APOBEC3D: variants seen among roughly 807,000 people sequenced by gnomAD.
APOBEC3D encodes DNA dC->dU-editing enzyme APOBEC-3D.
In APOBEC3D, 37 loss-of-function variants were observed where a neutral mutation model predicts 45.6. The ratio of observed to expected loss-of-function variants is 0.81; its 90% CI spans 0.62 to 1.07. The LOEUF is 1.07. Among genes scored for constraint, APOBEC3D ranks in the 50% least tolerant of loss-of-function variants. APOBEC3D has a pLI of 0.00. For missense variants in APOBEC3D, 496 were observed against 495.3 expected (o/e 1.00, Z -0.01); for synonymous variants, 175 against 180.7 (o/e 0.97, Z 0.25).
chr22:39,028,999 T>C lies in APOBEC3D; in HGVS notation c.606-364T>C, dbSNP rs1427323720. ...CATCATCATCATCGGACAGGTGAAA[T>C]GTGAGGAAGGAATTGAGCTGAAATG... On this transcript the variant is annotated intron_variant, in intron 4 of 6. Transcript: ENST00000216099. 2.0e-5 allele frequency among the ~76,000 whole-genome samples: 3 copies of C among 152,168 alleles called. No homozygotes were observed. In the East Asian group the frequency reaches 5.8e-4, roughly 29 times the overall value.
At chr22:39,024,536 C>CAGAAATG (rs1925437278) in intron 2 of APOBEC3D, among the ~76,000 whole-genome samples, 1 of 152,174 alleles carries the variant, frequency 6.6e-6, no homozygotes, top group African/African-American at 2.4e-5. Context: ...TTACAGTGAA[C>CAGAAATG]AGAAATGTGT....
In APOBEC3D at chr22:39,021,476, A is replaced by G. The variant is rs774099387; in HGVS notation, c.-44A>G. 2 of 1,613,582 alleles carry G rather than the reference A, an allele frequency of 1.2e-6. No individual in the cohort carries two copies. Among genetic ancestry groups the G allele is most frequent in the East Asian group, 2.2e-5 (1 of 44,856 alleles). On this transcript the variant is annotated 5_prime_UTR_variant, in exon 1 of 7. Transcript: ENST00000216099. ...GCAGGAAGTGAAACCACAGCACTTC[A>G]AAAAAAGAGGGAGACTGGGACAAGC...
At position 39,028,204 on chromosome 22, in the gene APOBEC3D, C is replaced by T. The variant is rs1162056237; in HGVS notation, c.606-1159C>T. Reference sequence around the variant, plus strand: ...CTCCTCCTCCGTGAGCACCATTCACCTTTTAGAATGACACCTGCAACATGG... The same window carrying T: ...CTCCTCCTCCGTGAGCACCATTCACTTTTTAGAATGACACCTGCAACATGG... On this transcript the variant is annotated intron_variant, in intron 4 of 6. Transcript: ENST00000216099. 1.1e-4 allele frequency among the ~76,000 whole-genome samples: 17 copies of T among 152,284 alleles called. No homozygotes were observed. The South Asian group carries it at 3.5e-3, about 32-fold the overall frequency.
chr22:39,026,255 G>T (rs958945862), intron 4 of APOBEC3D, among the ~76,000 whole-genome samples: 1 of 152,146 alleles, frequency 6.6e-6, no homozygotes, highest in African/African-American at 2.4e-5. Context: ...GCTGGCAGGG[G>T]GTCCCTTCCA....
Position 39,032,595 on chromosome 22 carries a change from T to A in APOBEC3D, c.*279T>A. 1 of 959,122 alleles carries A rather than the reference T, an allele frequency of 1.0e-6. No individual in the cohort carries two copies. The allele number at this position is 959,122 out of a possible 1,614,324, so 59.4% of individuals were successfully genotyped here. A position where few individuals can be genotyped will look rare whatever the true frequency, so the allele number is the denominator to read the frequency against. On this transcript the variant is annotated 3_prime_UTR_variant, in exon 7 of 7. Transcript: ENST00000216099. ...CTCCCCAGCATAACCAAATCTTTTTTTTTTTTTTTTTTTTTTGAGACGGAG... is the reference window on the plus strand; with the variant it reads ...CTCCCCAGCATAACCAAATCTTTTTATTTTTTTTTTTTTTTTGAGACGGAG...
chr22:39,025,335 T>C lies in APOBEC3D; in HGVS notation c.476T>C (p.Ile159Thr). Residue 159 changes from isoleucine to threonine, a missense_variant, in exon 3 of 7, where the codon ATC (isoleucine) becomes ACC (threonine). By Grantham distance (89) the Ile-to-Thr change is moderately conservative. Transcript: ENST00000216099. ...CATAAGGCAGGGGCCCGTGTGAAGA[T>C]CATGGACTATGAAGGTGAGAGGTGC... ...RLHKAGARVKIMDYEDFAYCW... is the reference protein window; with the variant it reads ...RLHKAGARVKTMDYEDFAYCW... The C allele has an allele frequency of 1.9e-6, 3 of 1,613,916 alleles. No individual in the cohort carries two copies. The highest frequency in any genetic ancestry group is 2.5e-6 in the Non-Finnish European group (3 of 1,179,952).
intron 5 of APOBEC3D, among the ~76,000 whole-genome samples, chr22:39,031,291 G>A (rs1308248380): frequency 3.9e-5 from 6 of 152,144 alleles, no homozygotes; most frequent in East Asian, 3.9e-4. Flanking sequence ...AAATAAGGTC[G>A]TGCATGTGGT....
At chr22:39,024,459 A>C (rs143162717) in intron 2 of APOBEC3D, among the ~76,000 whole-genome samples, 180 of 152,360 alleles carry the variant, frequency 1.2e-3, no homozygotes, top group Non-Finnish European at 2.1e-3. Context: ...AAAACTTCCA[A>C]ACACAGGGAA....
intron 5 of APOBEC3D, 151 bp from the exon 6 acceptor site, chr22:39,031,543 T>G (rs568130501): frequency 7.3e-6 from 9 of 1,227,364 alleles, no homozygotes; most frequent in Non-Finnish European, 9.1e-6. Flanking sequence ...GCACCCCAGC[T>G]TGGGCAACAG....
rs937905529 is a variant in APOBEC3D at position 39,022,765 on chromosome 22, C to G, written c.18-57C>G. Reference sequence around the variant, plus strand: ...GGGAGCTGTGTTCAGTGGACATGAGCCCCGAGGACTCCAGGAGGGCTCCCT... The same window carrying G: ...GGGAGCTGTGTTCAGTGGACATGAGGCCCGAGGACTCCAGGAGGGCTCCCT... On this transcript the variant is annotated intron_variant, in intron 1 of 6. Coordinates refer to ENST00000216099, the MANE Select transcript of APOBEC3D (RefSeq NM_152426.4). 4.0e-5 allele frequency: 62 copies of G among 1,567,358 alleles called. No individual in the cohort carries two copies. The African/African-American group carries it at 7.6e-4, about 19-fold the overall frequency.
intron 5 of APOBEC3D, among the ~76,000 whole-genome samples, chr22:39,031,220 T>A (rs1649109121): frequency 6.6e-6 from 1 of 151,802 alleles, no homozygotes; most frequent in African/African-American, 2.4e-5. Context: ...TAAGGGAAAC[T>A]CAATGAATAA....
Position 39,032,638 on chromosome 22 carries a change from G to C in APOBEC3D, c.*322G>C. Reference sequence around the variant, plus strand: ...AGACGGAGTTTCACTCTGTCGCCCAGACTAGAGTGCAATGGCTGGATCTCA... The same window carrying C: ...AGACGGAGTTTCACTCTGTCGCCCACACTAGAGTGCAATGGCTGGATCTCA... On this transcript the variant is annotated 3_prime_UTR_variant, in exon 7 of 7. Coordinates refer to ENST00000216099, the MANE Select transcript of APOBEC3D (RefSeq NM_152426.4). The C allele has an allele frequency of 9.8e-7, 1 of 1,020,962 alleles. No homozygotes were observed. Among genetic ancestry groups the C allele is most frequent in the Non-Finnish European group, 1.2e-6 (1 of 853,462 alleles). 63.2% of individuals were successfully genotyped at this position (1,020,962 alleles called of 1,614,324 possible). A position where few individuals can be genotyped will look rare whatever the true frequency, so the allele number is the denominator to read the frequency against.
rs1236800204 is a variant in APOBEC3D, at chr22:39,031,710, A to C, written c.779A>C (p.His260Pro). 1.2e-6 allele frequency: 2 copies of C among 1,612,082 alleles called. No homozygotes were observed. Among genetic ancestry groups the C allele is most frequent in the South Asian group, 2.2e-5 (2 of 91,050 alleles). ...VFRNQVDPET[H>P]CHAERCFLSW... ...CTTCCCCAGGTGGATCCTGAGACCC[A>C]TTGTCATGCAGAAAGGTGCTTCCTC... Residue 260 changes from histidine to proline, a missense_variant, in exon 6 of 7, where the codon CAT becomes CCT. By Grantham distance (77) the His-to-Pro change is moderately conservative (BLOSUM62 -2). Transcript: ENST00000216099.
intron 4 of APOBEC3D, among the ~76,000 whole-genome samples, chr22:39,026,438 G>A (rs976440414): frequency 1.3e-5 from 2 of 152,220 alleles, no homozygotes; most frequent in African/African-American, 4.8e-5. Context: ...CAGTTATCCT[G>A]TGAGGAGGTG....
Position 39,029,535 on chromosome 22 carries a change from T to C in APOBEC3D, c.762+16T>C. The C allele has an allele frequency of 6.2e-7, 1 of 1,614,024 alleles. No individual in the cohort carries two copies. Among genetic ancestry groups the C allele is most frequent in the South Asian group, 1.1e-5 (1 of 91,078 alleles). The stretch of plus-strand genomic sequence containing the variant: ...CCGAAACCAGGTAGCACCAAAGTCC[T>C]ATTTACACCCTAAATAGGAGCTAAG... On this transcript the variant is annotated intron_variant, in intron 5 of 6. Coordinates refer to ENST00000216099, the MANE Select transcript of APOBEC3D (RefSeq NM_152426.4).
intron 4 of APOBEC3D, among the ~76,000 whole-genome samples, chr22:39,029,156 A>G (rs1264157293): frequency 6.6e-6 from 1 of 152,114 alleles, no homozygotes; most frequent in Non-Finnish European, 1.5e-5. Flanking sequence ...GGTTCCAGCT[A>G]GGAGAGGTCA....
chr22:39,027,402 GT>G (rs1925780852), intron 4 of APOBEC3D, among the ~76,000 whole-genome samples: 2 of 152,108 alleles, frequency 1.3e-5, no homozygotes, highest in Non-Finnish European at 2.9e-5. Context: ...TAGCTACCGG[GT>G]GGGGGGCGTC....
intron 5 of APOBEC3D, among the ~76,000 whole-genome samples, chr22:39,031,411 TA>T (rs1926201281): frequency 6.6e-6 from 1 of 151,802 alleles, no homozygotes; most frequent in African/African-American, 2.4e-5. Flanking sequence ...CCACAAAAAT[TA>T]CAAAAAAATT....
chr22:39,030,290 A>C (rs1467486617), intron 5 of APOBEC3D, among the ~76,000 whole-genome samples: 1 of 130,514 alleles, frequency 7.7e-6, no homozygotes, highest in Admixed American at 8.7e-5. Flanking sequence ...GTCCCACCCA[A>C]CCCTGCGGCC....
Sources: allele counts gnomAD v4.1 joint callset (sites outside exome capture counted in the v4.1 genomes callset), GRCh38; gene constraint gnomAD v4.1.1; transcripts MANE v1.5; gene names NCBI Gene and HGNC (gene_info 2026-07-23, HGNC 2026-07-21).